The following OXCT1 variants were observed in gnomAD, a reference collection of about 807,000 sequenced individuals.
OXCT1 encodes succinyl-CoA:3-ketoacid coenzyme A transferase 1, mitochondrial.
OXCT1 carries 27 observed loss-of-function variants against 69.6 expected under a neutral mutation model. The observed-to-expected ratio is 0.39, with a 90% CI of 0.29 to 0.54. OXCT1 has a LOEUF of 0.54. OXCT1 is among the 20% of genes least tolerant of loss of function. OXCT1 has a pLI of 0.72. For missense variants in OXCT1, 437 were observed against 650.2 expected, an observed-to-expected ratio of 0.67 and a Z score of 3.57; for synonymous variants, 202 against 217.8, an observed-to-expected ratio of 0.93 and a Z score of 0.64.
chr5:41,768,623 G>A (rs1041411752), intron 13 of OXCT1, among the ~76,000 whole-genome samples: 2 of 151,784 alleles, frequency 1.3e-5, no homozygotes, highest in African/African-American at 4.8e-5. Flanking sequence ...CCAATCAGTC[G>A]CTCAACTACT....
intron 15 of OXCT1, among the ~76,000 whole-genome samples, chr5:41,741,615 G>T (rs1743173928): frequency 6.6e-6 from 1 of 152,098 alleles, no homozygotes; most frequent in Non-Finnish European, 1.5e-5. Context: ...CAAAGCCCTG[G>T]AATGATTATT....
chr5:41,778,254 G>A (rs1745221472), intron 13 of OXCT1, among the ~76,000 whole-genome samples: 2 of 152,134 alleles, frequency 1.3e-5, no homozygotes, highest in African/African-American at 2.4e-5. Context: ...TATAAATCAA[G>A]TATTAGTACA....
intron 5 of OXCT1, among the ~76,000 whole-genome samples, chr5:41,848,177 A>C (rs1213290925): frequency 6.6e-6 from 1 of 151,876 alleles, no homozygotes; most frequent in African/African-American, 2.4e-5. Context: ...ACTCCCATTC[A>C]CAATTGCTTC....
chr5:41,860,806 T>G (rs1749693729), intron 3 of OXCT1, among the ~76,000 whole-genome samples: 1 of 152,130 alleles, frequency 6.6e-6, no homozygotes, highest in African/African-American at 2.4e-5. Context: ...TTATCTTAAG[T>G]GCTGGCTGCA....
chr5:41,765,599 A>G (rs1744561659), intron 13 of OXCT1, among the ~76,000 whole-genome samples: 1 of 152,178 alleles, frequency 6.6e-6, no homozygotes, highest in South Asian at 2.1e-4. Context: ...TTATAGCTGC[A>G]CAACAGAAGG....
At chr5:41,867,739 G>A (rs190682350) in intron 1 of OXCT1, among the ~76,000 whole-genome samples, 4 of 152,360 alleles carry the variant, frequency 2.6e-5, no homozygotes, top group Admixed American at 2.6e-4. Context: ...AAGGACTGCA[G>A]CTCAGGAGAG....
intron 1 of OXCT1, among the ~76,000 whole-genome samples, chr5:41,867,465 A>G (rs1054088459): frequency 3.3e-5 from 5 of 152,240 alleles, no homozygotes; most frequent in Non-Finnish European, 5.9e-5. Context: ...TTGCTGAGAA[A>G]GAATGCCAGG....
intron 16 of OXCT1, among the ~76,000 whole-genome samples, chr5:41,737,455 G>A (rs1020347592): frequency 1.3e-5 from 2 of 151,604 alleles, no homozygotes; most frequent in African/African-American, 4.8e-5. Flanking sequence ...AAAAAAAACT[G>A]AACATTCTGT....
chr5:41,866,197 T>G (rs1158417213), intron 1 of OXCT1, among the ~76,000 whole-genome samples: 1 of 152,176 alleles, frequency 6.6e-6, no homozygotes, highest in Non-Finnish European at 1.5e-5. Context: ...TAAGACCAAC[T>G]TGTCATTTAT....
At chr5:41,811,122 AG>A (rs1482874949) in intron 7 of OXCT1, among the ~76,000 whole-genome samples, 2 of 151,382 alleles carry the variant, frequency 1.3e-5, no homozygotes, top group Admixed American at 6.6e-5. Flanking sequence ...GAAAAATAAA[AG>A]GGGGAGACAA....
intron 7 of OXCT1, among the ~76,000 whole-genome samples, chr5:41,819,415 G>A (rs1288953706): frequency 6.6e-6 from 1 of 152,122 alleles, no homozygotes; most frequent in African/African-American, 2.4e-5. Flanking sequence ...TCGTTACCCA[G>A]GCTGGAGTGC....
intron 6 of OXCT1, among the ~76,000 whole-genome samples, chr5:41,841,327 C>T (rs1258140108): frequency 1.3e-5 from 2 of 152,138 alleles, no homozygotes; most frequent in Non-Finnish European, 2.9e-5. Context: ...GGAATAGGAG[C>T]ATCCTTGAGA....
At chr5:41,732,899 T>C (rs544838589) in intron 16 of OXCT1, among the ~76,000 whole-genome samples, 3 of 152,338 alleles carry the variant, frequency 2.0e-5, no homozygotes, top group South Asian at 4.1e-4. Flanking sequence ...TAACTCTTCA[T>C]AGTATCAAGA....
At chr5:41,791,020 G>A (rs1745890637) in intron 13 of OXCT1, among the ~76,000 whole-genome samples, 1 of 152,146 alleles carries the variant, frequency 6.6e-6, no homozygotes, top group African/African-American at 2.4e-5. Context: ...GAGAGTGCTT[G>A]CAGTGTTCAC....
chr5:41,866,215 T>G (rs1749968474), intron 1 of OXCT1, among the ~76,000 whole-genome samples: 1 of 152,212 alleles, frequency 6.6e-6, no homozygotes, highest in African/African-American at 2.4e-5. Flanking sequence ...TATTGGAGTT[T>G]AGTTTTAATT....
At chr5:41,778,529 G>T (rs1219379719) in intron 13 of OXCT1, among the ~76,000 whole-genome samples, 1 of 152,196 alleles carries the variant, frequency 6.6e-6, no homozygotes, top group Non-Finnish European at 1.5e-5. Context: ...GATGACTCTA[G>T]GGTTTAAGGA....
rs576863451 is a variant in OXCT1, at chr5:41,744,092, C to T, written c.1420-4601G>A. On this transcript the variant is annotated intron_variant, in intron 15 of 16. Transcript: ENST00000196371. ...GGGCAGTATGGCCATTTTCACGATA[C>T]TGATTCTTCCTACCCATGAGCATGG... Among the ~76,000 whole-genome samples, 339 of 151,916 alleles carry T rather than the reference C, an allele frequency of 2.2e-3. 1 individual carries two copies. The highest frequency in any genetic ancestry group is 7.8e-3 in the African/African-American group (321 of 41,242).
At chr5:41,766,959 A>G (rs1410356066) in intron 13 of OXCT1, among the ~76,000 whole-genome samples, 1 of 152,158 alleles carries the variant, frequency 6.6e-6, no homozygotes, top group Non-Finnish European at 1.5e-5. Context: ...GCTCAATATT[A>G]AATACCAGAA....
chr5:41,766,290 A>G (rs770329076), intron 13 of OXCT1, among the ~76,000 whole-genome samples: 12 of 152,158 alleles, frequency 7.9e-5, no homozygotes, highest in Non-Finnish European at 1.8e-4. Context: ...CAACAGTTAT[A>G]CAACCTTTCT....
Sources: allele counts gnomAD v4.1 joint callset (sites outside exome capture counted in the v4.1 genomes callset), GRCh38; gene constraint gnomAD v4.1.1; transcripts MANE v1.5; gene names NCBI Gene and HGNC (gene_info 2026-07-23, HGNC 2026-07-21).